GPC5: variants seen among roughly 807,000 people sequenced by gnomAD.
GPC5 encodes the protein glypican 5.
A neutral mutation model predicts 53.9 loss-of-function variants in GPC5; 47 were observed. The observed-to-expected ratio is 0.87, with a 90% CI of 0.69 to 1.11. The LOEUF (loss-of-function observed/expected upper bound fraction) is 1.11. Among genes scored for constraint, GPC5 ranks in the 50% most tolerant of loss-of-function variants. GPC5 has a pLI of 0.00. For missense variants in GPC5, 748 were observed against 713.1 expected, an observed-to-expected ratio of 1.05 and a Z score of -0.56; for synonymous variants, 286 against 263.3, an observed-to-expected ratio of 1.09 and a Z score of -0.84.
intron 7 of GPC5, among the ~76,000 whole-genome samples, chr13:92,281,268 G>A (rs1594063546): frequency 6.6e-6 from 1 of 152,176 alleles, no homozygotes; most frequent in East Asian, 1.9e-4. Flanking sequence ...ACTGGGTGGA[G>A]CCCACCACAG....
intron 7 of GPC5, among the ~76,000 whole-genome samples, chr13:92,616,463 A>G (rs1459542943): frequency 1.3e-5 from 2 of 152,216 alleles, no homozygotes; most frequent in African/African-American, 4.8e-5. Flanking sequence ...CATAACTGGT[A>G]AATGTGAAAC....
At chr13:92,452,888 G>A (rs1405571062) in intron 7 of GPC5, among the ~76,000 whole-genome samples, 1 of 152,102 alleles carries the variant, frequency 6.6e-6, no homozygotes, top group East Asian at 1.9e-4. Flanking sequence ...TATTTTTATA[G>A]GTAAGAAAAC....
intron 7 of GPC5, among the ~76,000 whole-genome samples, chr13:92,662,663 C>A (rs528232219): frequency 3.9e-5 from 6 of 152,132 alleles, no homozygotes; most frequent in Non-Finnish European, 7.3e-5. Flanking sequence ...TTAAAAAGGT[C>A]GTGAAGTGCC....
At chr13:92,839,409 G>T (rs1290114229) in intron 7 of GPC5, among the ~76,000 whole-genome samples, 1 of 152,110 alleles carries the variant, frequency 6.6e-6, no homozygotes, top group African/African-American at 2.4e-5. Context: ...CAGGTATTAA[G>T]CCTAGTATCC....
intron 5 of GPC5, among the ~76,000 whole-genome samples, chr13:91,853,132 A>C (rs2138895259): frequency 6.6e-6 from 1 of 152,234 alleles, no homozygotes; most frequent in South Asian, 2.1e-4. Flanking sequence ...TTGAATGGTA[A>C]ATTATGGAAT....
chr13:92,173,936 G>A (rs976203023), intron 7 of GPC5, among the ~76,000 whole-genome samples: 2 of 151,796 alleles, frequency 1.3e-5, no homozygotes, highest in African/African-American at 4.8e-5. Flanking sequence ...GAAACCCCAT[G>A]TCTACTAAAA....
chr13:91,890,959 A>G (rs1428888490), intron 5 of GPC5, among the ~76,000 whole-genome samples: 6 of 152,154 alleles, frequency 3.9e-5, no homozygotes, highest in African/African-American at 1.4e-4. Flanking sequence ...TGGTTATGGC[A>G]TCAAGCAGTT....
intron 5 of GPC5, among the ~76,000 whole-genome samples, chr13:91,815,464 A>G (rs2138816505): frequency 6.6e-6 from 1 of 152,312 alleles, no homozygotes; most frequent in Non-Finnish European, 1.5e-5. Context: ...GAATTTTTCT[A>G]ATATTTGTGT....
At chr13:92,264,490 C>T (rs1039774744) in intron 7 of GPC5, among the ~76,000 whole-genome samples, 9 of 151,940 alleles carry the variant, frequency 5.9e-5, no homozygotes, top group Non-Finnish European at 1.3e-4. Context: ...GAAGCACACA[C>T]ACATACACAC....
In GPC5 at chr13:92,202,552, C is replaced by T. The variant is rs545778295; in HGVS notation, c.1561+57563C>T. Among the ~76,000 whole-genome samples the T allele has an allele frequency of 3.9e-5, 6 of 152,258 alleles. No homozygotes were observed. The East Asian group carries it at 9.7e-4, about 25-fold the overall frequency. ...ACTAGAACAAACAAATAGTTACACA[C>T]TAGCACACTGGAGGATATGGTCATT... is the stretch of plus-strand genomic sequence containing the variant. On this transcript the variant is annotated intron_variant, in intron 7 of 7. Transcript: ENST00000377067.
chr13:91,799,552 CTTTG>C (rs2038100717), intron 5 of GPC5, among the ~76,000 whole-genome samples: 1 of 131,998 alleles, frequency 7.6e-6, no homozygotes, highest in Non-Finnish European at 1.6e-5. Flanking sequence ...CATATGATTT[CTTTG>C]TTTATGTCTC....
chr13:91,556,205 ACT>A (rs1014562758), intron 2 of GPC5, among the ~76,000 whole-genome samples: 1 of 151,668 alleles, frequency 6.6e-6, no homozygotes, highest in African/African-American at 2.4e-5. Flanking sequence ...TTAAAAAAAA[ACT>A]CAGCATAATT....
intron 7 of GPC5, among the ~76,000 whole-genome samples, chr13:92,525,692 T>C (rs898667595): frequency 2.6e-5 from 4 of 151,954 alleles, no homozygotes; most frequent in African/African-American, 4.8e-5. Context: ...CAGACAGTCA[T>C]TTGATGCGAT....
chr13:91,621,670 A>G (rs1291986805), intron 2 of GPC5, among the ~76,000 whole-genome samples: 3 of 150,856 alleles, frequency 2.0e-5, no homozygotes, highest in Non-Finnish European at 4.4e-5. Context: ...GTATTTTCCC[A>G]TCAATTAAAT....
intron 5 of GPC5, among the ~76,000 whole-genome samples, chr13:91,890,039 G>C (rs1222829256): frequency 6.6e-6 from 1 of 152,126 alleles, no homozygotes; most frequent in East Asian, 1.9e-4. Flanking sequence ...GGGAGGTAAA[G>C]GAAGACAAAG....
At chr13:92,107,193 C>G (rs2041516973) in intron 6 of GPC5, among the ~76,000 whole-genome samples, 1 of 151,844 alleles carries the variant, frequency 6.6e-6, no homozygotes, top group Non-Finnish European at 1.5e-5. Context: ...GAAGGATGCC[C>G]TTATGACTTA....
intron 7 of GPC5, among the ~76,000 whole-genome samples, chr13:92,569,169 C>T (rs1475482234): frequency 1.4e-5 from 2 of 144,912 alleles, no homozygotes; most frequent in African/African-American, 5.1e-5. Flanking sequence ...TGAGTGAGAA[C>T]ATGCGGTGTT....
chr13:92,303,101 T>G (rs1887155), intron 7 of GPC5, among the ~76,000 whole-genome samples: 45,611 of 151,942 alleles, frequency 0.3, 8,036 homozygotes, highest in African/African-American at 0.49. Flanking sequence ...TTTTCCCCCC[T>G]ATGGTTCTTT....
intron 7 of GPC5, among the ~76,000 whole-genome samples, chr13:92,852,379 C>T (rs1878846565): frequency 6.6e-6 from 1 of 152,066 alleles, no homozygotes; most frequent in African/African-American, 2.4e-5. Context: ...TTAACTAGGT[C>T]AAAGGTGATG....
Sources: gnomAD v4.1 joint callset for allele counts (sites outside exome capture counted in the v4.1 genomes callset) on GRCh38, gnomAD v4.1.1 for gene constraint, MANE v1.5 for transcripts, NCBI Gene and HGNC (gene_info 2026-07-23, HGNC 2026-07-21) for gene names.